Variants in SPTLC2 observed in about 807,000 individuals in gnomAD.
SPTLC2 encodes serine palmitoyltransferase long chain base subunit 2.
Under a neutral mutation model 62.0 loss-of-function variants are expected in SPTLC2, and 21 were observed. That is an observed-to-expected ratio of 0.34 (90% CI 0.24 to 0.49). The LOEUF is 0.49. SPTLC2 is among the 20% of genes least tolerant of loss of function. The pLI is 0.99. For synonymous variants in SPTLC2, 261 were observed against 261.8 expected (o/e 1.00, Z 0.03); for missense variants, 511 against 713.0 (o/e 0.72, Z 3.23).
At chr14:77,584,713 A>C (rs2079771506) in intron 2 of SPTLC2, among the ~76,000 whole-genome samples, 1 of 152,170 alleles carries the variant, frequency 6.6e-6, no homozygotes, top group Non-Finnish European at 1.5e-5. Flanking sequence ...CTTCAAGACC[A>C]CTGTGCTATT....
At chr14:77,593,647 C>T (rs181572770) in intron 2 of SPTLC2, among the ~76,000 whole-genome samples, 286 of 152,252 alleles carry the variant, frequency 1.9e-3, no homozygotes, top group Middle Eastern at 3.4e-3. Context: ...TAGTTGTATT[C>T]AAAGCAACAT....
chr14:77,558,179 C>T (rs2079595137), intron 6 of SPTLC2, among the ~76,000 whole-genome samples: 1 of 152,172 alleles, frequency 6.6e-6, no homozygotes, highest in South Asian at 2.1e-4. Flanking sequence ...TCCCAAGTAG[C>T]TCGGATTACC....
chr14:77,555,177 G>T, intron 8 of SPTLC2, 123 bp downstream of exon 8: 2 of 1,007,820 alleles, frequency 2.0e-6, no homozygotes, highest in Non-Finnish European at 1.6e-6. Context: ...CTGGTATTAT[G>T]AGCCTAAACC....
chr14:77,509,741 C>A lies in SPTLC2; in HGVS notation c.*2543G>T, dbSNP rs1012372386. Reference sequence around the variant, plus strand: ...TTTACATTACAGTTTCAAGAAGAGACAACCAACCATGTATAATGTCTACAT... The same window carrying A: ...TTTACATTACAGTTTCAAGAAGAGAAAACCAACCATGTATAATGTCTACAT... On this transcript the variant is annotated 3_prime_UTR_variant, in exon 12 of 12. Coordinates refer to ENST00000216484, the MANE Select transcript of SPTLC2 (RefSeq NM_004863.4). 5.0e-6 allele frequency: 2 copies of A among 396,048 alleles called. No individual in the cohort carries two copies. Among genetic ancestry groups the A allele is most frequent in the Non-Finnish European group, 8.9e-6 (2 of 224,902 alleles). The allele number at this position is 396,048 out of a possible 1,614,324, so 24.5% of individuals were successfully genotyped here.
chr14:77,506,094 T>A lies in SPTLC2; in HGVS notation c.*6190A>T, dbSNP rs1165763547. ...TTCCCCTTCAGTTCTTAACATGCACTCTCAAAATCAACACACCTACCCCAA... is the reference window on the plus strand; with the variant it reads ...TTCCCCTTCAGTTCTTAACATGCACACTCAAAATCAACACACCTACCCCAA... On this transcript the variant is annotated 3_prime_UTR_variant, in exon 12 of 12. Transcript: ENST00000216484. 6.6e-6 allele frequency: 1 copy of A among 152,112 alleles called. No homozygotes were observed. Among genetic ancestry groups the A allele is most frequent in the African/African-American group, 2.4e-5 (1 of 41,408 alleles). 9.4% of individuals were successfully genotyped at this position (152,112 alleles called of 1,614,324 possible).
Position 77,528,238 on chromosome 14 carries a change from C to CT in SPTLC2, c.1304-6658dup, listed in dbSNP as rs527554344. On this transcript the variant is annotated intron_variant, in intron 9 of 11. Coordinates refer to ENST00000216484, the MANE Select transcript of SPTLC2 (RefSeq NM_004863.4). ...ACTTCCCCACCCCTCTTTTCCTCTTCTTTTTTTTTTGAGATGGAGTTTCAC... is the reference window on the plus strand; with the variant it reads ...ACTTCCCCACCCCTCTTTTCCTCTTCTTTTTTTTTTTGAGATGGAGTTTCAC... Among the ~76,000 whole-genome samples, 703 of 149,038 alleles carry CT rather than the reference C, an allele frequency of 4.7e-3. 4 individuals carry two copies. The highest frequency in any genetic ancestry group is 0.021 in the Middle Eastern group (6 of 290).
intron 5 of SPTLC2, among the ~76,000 whole-genome samples, chr14:77,563,023 C>T (rs2079623526): frequency 6.6e-6 from 1 of 152,060 alleles, no homozygotes; most frequent in African/African-American, 2.4e-5. Context: ...ACAAGCTTTG[C>T]TTTAACACAC....
At chr14:77,580,827 G>A (rs2079745892) in intron 2 of SPTLC2, among the ~76,000 whole-genome samples, 1 of 152,134 alleles carries the variant, frequency 6.6e-6, no homozygotes, top group African/African-American at 2.4e-5. Context: ...GACCAGCCTG[G>A]GCAACATAGT....
chr14:77,597,513 A>T, intron 1 of SPTLC2, 133 bp from the exon 2 acceptor site: 12 of 803,366 alleles, frequency 1.5e-5, no homozygotes, highest in Non-Finnish European at 2.2e-5. Flanking sequence ...ACTGGCTCAC[A>T]CCTGTAATCC....
intron 9 of SPTLC2, 150 bp downstream of exon 9, chr14:77,551,945 CA>C: frequency 4.2e-6 from 5 of 1,177,222 alleles, no homozygotes; most frequent in Non-Finnish European, 6.0e-6. Flanking sequence ...ATGTATCAAA[CA>C]CACTAAAAAA....
At chr14:77,558,013 A>T (rs1157400948) in intron 6 of SPTLC2, among the ~76,000 whole-genome samples, 1 of 152,012 alleles carries the variant, frequency 6.6e-6, no homozygotes, top group East Asian at 1.9e-4. Flanking sequence ...AAGTCTGGGG[A>T]ATACTTAATA....
In SPTLC2 at chr14:77,587,506, C is replaced by T. The variant is rs549756498; in HGVS notation, c.328-8397G>A. Among the ~76,000 whole-genome samples, 251 of 151,912 alleles carry T rather than the reference C, an allele frequency of 1.7e-3. 2 individuals are homozygous for T. The highest frequency in any genetic ancestry group is 5.1e-4 in the Non-Finnish European group (35 of 67,972). On this transcript the variant is annotated intron_variant, in intron 2 of 11. Transcript: ENST00000216484. ...GGAAGGCCAGACACAGTGGCTCATG[C>T]CTGTAATCCCAGCACTTTGGGAGGC...
At chr14:77,571,331 G>A (rs2079681357) in intron 4 of SPTLC2, among the ~76,000 whole-genome samples, 1 of 152,026 alleles carries the variant, frequency 6.6e-6, no homozygotes, top group Admixed American at 6.6e-5. Context: ...GCAACATGGT[G>A]AAACCTTGTC....
At chr14:77,523,541 G>T (rs1049023240) in intron 9 of SPTLC2, among the ~76,000 whole-genome samples, 1 of 152,186 alleles carries the variant, frequency 6.6e-6, no homozygotes, top group African/African-American at 2.4e-5. Context: ...TTTGGGAAGG[G>T]TACTGATTTC....
intron 5 of SPTLC2, among the ~76,000 whole-genome samples, chr14:77,563,822 T>C (rs1411004753): frequency 6.6e-6 from 1 of 152,222 alleles, no homozygotes; most frequent in Non-Finnish European, 1.5e-5. Flanking sequence ...CAACTATATA[T>C]ATACATGCTT....
chr14:77,603,377 C>A (rs191750003), intron 1 of SPTLC2, among the ~76,000 whole-genome samples: 136 of 152,294 alleles, frequency 8.9e-4, no homozygotes, highest in Admixed American at 1.4e-3. Flanking sequence ...TGCTATGTTT[C>A]TGTTGCTCCT....
chr14:77,584,938 C>T (rs531181803), intron 2 of SPTLC2, among the ~76,000 whole-genome samples: 1 of 152,216 alleles, frequency 6.6e-6, no homozygotes, highest in Non-Finnish European at 1.5e-5. Context: ...CGCTTTGCAC[C>T]AGCGTAGGAG....
intron 10 of SPTLC2, among the ~76,000 whole-genome samples, chr14:77,519,824 G>GT (rs2079377289): frequency 6.6e-6 from 1 of 152,024 alleles, no homozygotes; most frequent in South Asian, 2.1e-4. Context: ...TGGGTGCCCT[G>GT]TATCTTCAGC....
chr14:77,565,135 A>C (rs747747767), intron 5 of SPTLC2, among the ~76,000 whole-genome samples: 2 of 148,346 alleles, frequency 1.3e-5, no homozygotes, highest in Non-Finnish European at 3.0e-5. Context: ...CCAGCTACTC[A>C]GGAGGCTGAG....
Sources: allele counts gnomAD v4.1 joint callset (sites outside exome capture counted in the v4.1 genomes callset), GRCh38; gene constraint gnomAD v4.1.1; transcripts MANE v1.5; gene names NCBI Gene and HGNC (gene_info 2026-07-23, HGNC 2026-07-21).